Variants in DIAPH2 observed in about 807,000 individuals in gnomAD.
DIAPH2 encodes protein diaphanous homolog 2.
A neutral mutation model predicts 92.7 loss-of-function variants in DIAPH2; 35 were observed. That is an observed-to-expected ratio of 0.38 (90% CI 0.29 to 0.50). DIAPH2 has a LOEUF of 0.50. Ranked by LOEUF, DIAPH2 falls within the 20% of genes least tolerant of loss-of-function variation. DIAPH2 has a pLI of 0.94. For synonymous variants in DIAPH2, 301 were observed against 280.4 expected (o/e 1.07, Z -0.73); for missense variants, 701 against 819.5 (o/e 0.86, Z 1.77).
intron 23 of DIAPH2, among the ~76,000 whole-genome samples, chrX:97,314,245 C>CAA (rs1277986455): frequency 8.3e-5 from 4 of 48,231 alleles, no homozygotes; most frequent in African/African-American, 1.6e-4. Context: ...CCTGTCTCTA[C>CAA]AAAAAAAAAA....
intron 23 of DIAPH2, among the ~76,000 whole-genome samples, chrX:97,327,924 G>A (rs1246337697): frequency 8.9e-6 from 1 of 111,929 alleles, no homozygotes; most frequent in Non-Finnish European, 1.9e-5. Flanking sequence ...CTGATACTTT[G>A]GCTTTTTAAA....
chrX:97,349,955 C>G (rs895033132), intron 24 of DIAPH2, among the ~76,000 whole-genome samples: 1 of 111,935 alleles, frequency 8.9e-6, no homozygotes, highest in Non-Finnish European at 1.9e-5. Context: ...AGTTGACACA[C>G]TGAAATGATA....
At chrX:96,712,283 A>G (rs932130503) in intron 1 of DIAPH2, among the ~76,000 whole-genome samples, 1 of 110,736 alleles carries the variant, frequency 9.0e-6, no homozygotes, top group African/African-American at 3.3e-5. Context: ...TGGATTTTTT[A>G]TATAATTTTT....
At chrX:97,402,214 G>GTGTT (rs2069765225) in intron 25 of DIAPH2, among the ~76,000 whole-genome samples, 1 of 109,778 alleles carries the variant, frequency 9.1e-6, no homozygotes, top group Admixed American at 9.8e-5. Flanking sequence ...CATCGTGTGT[G>GTGTT]TGTGTGTGTG....
rs773986241 is a variant in DIAPH2, at chrX:96,815,955, G to A, written c.447+57697G>A. ...AGTAGTGCTAGGATTACAGGCGTGA[G>A]CCACCGCGCCTGGCCTGAACAACAA... On this transcript the variant is annotated intron_variant, in intron 4 of 26. Transcript: ENST00000324765. Among the ~76,000 whole-genome samples the A allele has an allele frequency of 1.2e-3, 133 of 111,513 alleles. 1 individual carries two copies. Among genetic ancestry groups the A allele is most frequent in the South Asian group, 1.5e-3 (4 of 2,616 alleles).
intron 1 of DIAPH2, among the ~76,000 whole-genome samples, chrX:96,710,647 A>G (rs987609798): frequency 1.8e-5 from 2 of 111,094 alleles, no homozygotes; most frequent in Non-Finnish European, 3.8e-5. Context: ...ATACTCCTCC[A>G]TAATAGCACC....
Position 97,508,966 on chromosome X carries a change from C to A in DIAPH2, c.3241+79221C>A, listed in dbSNP as rs777479930. On this transcript the variant is annotated intron_variant, in intron 26 of 26. Transcript: ENST00000324765. ...TTAACAACAACAATAACAACAACAACAAAAAAAAAACAGATTACCCGACTA... is the reference window on the plus strand; with the variant it reads ...TTAACAACAACAATAACAACAACAAAAAAAAAAAAACAGATTACCCGACTA... 7.3e-3 allele frequency among the ~76,000 whole-genome samples: 744 copies of A among 101,750 alleles called. 6 individuals are homozygous for A. Among genetic ancestry groups the A allele is most frequent in the African/African-American group, 0.023 (658 of 28,213 alleles). 88.4% of individuals were successfully genotyped at this position (101,750 alleles called of 115,157 possible).
At chrX:97,570,123 T>A (rs1569426248) in intron 26 of DIAPH2, among the ~76,000 whole-genome samples, 102 of 18,440 alleles carry the variant, frequency 5.5e-3, no homozygotes, top group African/African-American at 7.8e-3. Context: ...TATATATATA[T>A]TAGAAGATAG....
chrX:97,166,724 G>A (rs1467281647), intron 22 of DIAPH2, among the ~76,000 whole-genome samples: 1 of 111,403 alleles, frequency 9.0e-6, no homozygotes, highest in Non-Finnish European at 1.9e-5. Context: ...AAAATCCCAC[G>A]AACTTAGCAC....
At chrX:97,568,103 G>A (rs1287122343) in intron 26 of DIAPH2, among the ~76,000 whole-genome samples, 13 of 60,718 alleles carry the variant, frequency 2.1e-4, no homozygotes, top group Non-Finnish European at 2.7e-5. Flanking sequence ...GCGACAGAAC[G>A]AGACTCCATC....
chrX:97,260,832 G>A (rs1602458485), intron 23 of DIAPH2, among the ~76,000 whole-genome samples: 1 of 111,905 alleles, frequency 8.9e-6, no homozygotes, highest in East Asian at 2.8e-4. Context: ...TATCCAAACC[G>A]AACTTTTAAA....
intron 26 of DIAPH2, among the ~76,000 whole-genome samples, chrX:97,435,796 T>C (rs903307553): frequency 9.1e-6 from 1 of 109,736 alleles, no homozygotes; most frequent in Admixed American, 9.8e-5. Flanking sequence ...GACTCTTTTT[T>C]TTTTTCTTTT....
chrX:97,175,302 A>T lies in DIAPH2; in HGVS notation c.2719+33508A>T, dbSNP rs2067483463. Reference sequence around the variant, plus strand: ...CTCCGTTCTGCTCCTCCAATATCTCATAGGCTGTCATCTGATATCAGCACT... The same window carrying T: ...CTCCGTTCTGCTCCTCCAATATCTCTTAGGCTGTCATCTGATATCAGCACT... On this transcript the variant is annotated intron_variant, in intron 22 of 26. Transcript: ENST00000324765. Among the ~76,000 whole-genome samples the T allele has an allele frequency of 3.6e-5, 4 of 111,561 alleles. No individual in the cohort carries two copies. In the South Asian group the frequency reaches 1.5e-3, roughly 42 times the overall value.
chrX:97,365,692 T>C (rs1332345055), intron 24 of DIAPH2, among the ~76,000 whole-genome samples: 3 of 108,981 alleles, frequency 2.8e-5, no homozygotes, highest in African/African-American at 1.0e-4. Flanking sequence ...CTTTTTTTTT[T>C]CATTTTTTTT....
chrX:97,517,713 A>G (rs996021521), intron 26 of DIAPH2, among the ~76,000 whole-genome samples: 2 of 112,503 alleles, frequency 1.8e-5, no homozygotes, highest in Non-Finnish European at 3.7e-5. Context: ...AGAAACCAAT[A>G]GCTTTTATGA....
chrX:96,809,980 A>G (rs932549806), intron 4 of DIAPH2, among the ~76,000 whole-genome samples: 5 of 112,243 alleles, frequency 4.5e-5, no homozygotes, highest in African/African-American at 1.3e-4. Flanking sequence ...ATAAACATAC[A>G]TGTGCATGTG....
chrX:97,186,086 A>G (rs1195704282), intron 22 of DIAPH2, among the ~76,000 whole-genome samples: 1 of 111,578 alleles, frequency 9.0e-6, no homozygotes, highest in Non-Finnish European at 1.9e-5. Context: ...AAAAAAAACT[A>G]ATTGTAAGAT....
chrX:96,939,870 A>G (rs1384498046), intron 12 of DIAPH2, among the ~76,000 whole-genome samples: 1 of 83,332 alleles, frequency 1.2e-5, no homozygotes, highest in Non-Finnish European at 2.2e-5. Flanking sequence ...TCACCGTGTT[A>G]GCCAGGATGG....
chrX:97,582,669 C>T (rs1314895167), intron 26 of DIAPH2, among the ~76,000 whole-genome samples: 4 of 107,629 alleles, frequency 3.7e-5, no homozygotes, highest in Admixed American at 3.0e-4. Flanking sequence ...TTGCTCTTCT[C>T]GAGGAGTATC....
Sources: gnomAD v4.1 joint callset for allele counts (sites outside exome capture counted in the v4.1 genomes callset) on GRCh38, gnomAD v4.1.1 for gene constraint, MANE v1.5 for transcripts, NCBI Gene and HGNC (gene_info 2026-07-23, HGNC 2026-07-21) for gene names.